COL5A2: variants seen among roughly 807,000 people sequenced by gnomAD.
COL5A2 encodes collagen type V alpha 2 chain, also known as collagen alpha-2(V) chain.
A neutral mutation model predicts 208.2 loss-of-function variants in COL5A2; 23 were observed. The observed-to-expected ratio is 0.11, with a 90% CI of 0.08 to 0.16. The LOEUF (loss-of-function observed/expected upper bound fraction) is 0.16. COL5A2 is among the 10% of genes least tolerant of loss of function. The pLI is 1.00. For synonymous variants in COL5A2, 625 were observed against 628.5 expected (o/e 0.99, Z 0.08); for missense variants, 1,590 against 1,956.4 (o/e 0.81, Z 3.53).
intron 33 of COL5A2, 38 bp downstream of exon 33, chr2:189,058,391 A>G (rs764692835): frequency 1.3e-6 from 2 of 1,498,872 alleles, no homozygotes; most frequent in Non-Finnish European, 1.9e-6. Context: ...CAGTAATTTT[A>G]AAGCATTTTA....
the COL5A2 span, among the ~76,000 whole-genome samples, chr2:189,298,993 C>T: frequency 6.6e-6 from 1 of 152,152 alleles, no homozygotes; most frequent in Non-Finnish European, 1.5e-5. Context: ...CATTGAGTCC[C>T]ACTGAATATC....
chr2:189,092,550 A>G, intron 6 of COL5A2, 130 bp from the exon 7 acceptor site: 1 of 709,784 alleles, frequency 1.4e-6, no homozygotes, highest in South Asian at 1.5e-5. Context: ...CTAGCCACTT[A>G]GAGTAATTTC....
At chr2:189,352,463 G>A in the COL5A2 span, among the ~76,000 whole-genome samples, 4 of 151,652 alleles carry the variant, frequency 2.6e-5, no homozygotes, top group Non-Finnish European at 5.9e-5. Flanking sequence ...TCCAGCATCT[G>A]TTGTTTCCTT....
the COL5A2 span, among the ~76,000 whole-genome samples, chr2:189,361,942 G>A: frequency 1.2e-4 from 19 of 152,062 alleles, no homozygotes; most frequent in South Asian, 2.1e-4. Context: ...TGATGTTTCC[G>A]TTTATATCAT....
At chr2:189,272,607 G>A in the COL5A2 span, among the ~76,000 whole-genome samples, 699 of 152,098 alleles carry the variant, frequency 4.6e-3, 14 homozygotes, top group African/African-American at 2.1e-3. Flanking sequence ...ACATGTATAC[G>A]TATGTAACAA....
In COL5A2 at chr2:189,179,633, T is replaced by G; in HGVS notation, c.-29A>C. The G allele has an allele frequency of 6.3e-7, 1 of 1,581,774 alleles. No individual in the cohort carries two copies. Among genetic ancestry groups the G allele is most frequent in the Non-Finnish European group, 8.6e-7 (1 of 1,160,772 alleles). On this transcript the variant is annotated 5_prime_UTR_variant, in exon 1 of 54. Transcript: ENST00000374866. The stretch of plus-strand genomic sequence containing the variant: ...TAAATATTAGACATGTGGGTTCTCC[T>G]GAGAGTGAAAAGTAGATTCTGAGGT...
the COL5A2 span, among the ~76,000 whole-genome samples, chr2:189,387,867 C>A: frequency 6.6e-6 from 1 of 152,334 alleles, no homozygotes; most frequent in East Asian, 1.9e-4. Context: ...CCACTGCAAT[C>A]TCTGCCTCCC....
At chr2:189,270,939 C>A in the COL5A2 span, among the ~76,000 whole-genome samples, 4 of 151,984 alleles carry the variant, frequency 2.6e-5, no homozygotes, top group African/African-American at 9.7e-5. Flanking sequence ...CCTAGGAATA[C>A]AACTTATGAG....
the COL5A2 span, among the ~76,000 whole-genome samples, chr2:189,432,761 A>G: frequency 6.6e-6 from 1 of 152,234 alleles, no homozygotes; most frequent in Admixed American, 6.5e-5. Flanking sequence ...TCTCAATATT[A>G]GACAGATCAA....
At chr2:189,155,699 A>G (rs1484597229) in intron 1 of COL5A2, among the ~76,000 whole-genome samples, 6 of 152,018 alleles carry the variant, frequency 3.9e-5, no homozygotes. Context: ...TTTATTTATT[A>G]TCTTTTATTT....
the COL5A2 span, among the ~76,000 whole-genome samples, chr2:189,329,645 G>A: frequency 2.6e-5 from 4 of 151,802 alleles, no homozygotes; most frequent in South Asian, 4.2e-4. Flanking sequence ...AAAATAAAGC[G>A]AATCTCAAAC....
At chr2:189,072,189 A>G (rs1053665291) in intron 17 of COL5A2, 96 bp from the exon 18 acceptor site, 23 of 797,912 alleles carry the variant, frequency 2.9e-5, no homozygotes, top group Non-Finnish European at 4.9e-5. Context: ...TATTAGACAC[A>G]TAAGAATAAC....
intron 1 of COL5A2, among the ~76,000 whole-genome samples, chr2:189,112,232 A>T (rs1269955052): frequency 1.3e-5 from 2 of 152,206 alleles, no homozygotes; most frequent in African/African-American, 4.8e-5. Context: ...GGATGGATAT[A>T]ATGAATGAAT....
At chr2:189,145,391 A>G (rs1390064520) in intron 1 of COL5A2, among the ~76,000 whole-genome samples, 1 of 152,208 alleles carries the variant, frequency 6.6e-6, no homozygotes, top group Non-Finnish European at 1.5e-5. Context: ...AGTAAAATAC[A>G]GTAATGCAAA....
the COL5A2 span, among the ~76,000 whole-genome samples, chr2:189,389,547 T>C: frequency 6.6e-6 from 1 of 152,222 alleles, no homozygotes; most frequent in Non-Finnish European, 1.5e-5. Flanking sequence ...GAATCCATGC[T>C]GTCAGTGCAA....
chr2:189,103,306 A>G (rs1011841936), intron 3 of COL5A2, among the ~76,000 whole-genome samples: 12 of 152,122 alleles, frequency 7.9e-5, no homozygotes, highest in African/African-American at 2.7e-4. Flanking sequence ...AGACAAATTT[A>G]TGATATTGCC....
At chr2:189,422,967 G>A in the COL5A2 span, among the ~76,000 whole-genome samples, 1 of 150,114 alleles carries the variant, frequency 6.7e-6, no homozygotes, top group African/African-American at 2.5e-5. Flanking sequence ...AGGTTGTGGT[G>A]AGCCGAGATT....
At chr2:189,305,814 TAAAA>T in the COL5A2 span, among the ~76,000 whole-genome samples, 1 of 139,582 alleles carries the variant, frequency 7.2e-6, no homozygotes. Context: ...ATATTCAATC[TAAAA>T]AAAAAAAAAA....
upstream of COL5A2, among the ~76,000 whole-genome samples, chr2:189,180,591 C>A (rs943331030): frequency 6.6e-6 from 1 of 152,152 alleles, no homozygotes; most frequent in African/African-American, 2.4e-5. Flanking sequence ...AGTCCTTTAT[C>A]TCTGTGCACT....
Sources: gnomAD v4.1 joint callset for allele counts (sites outside exome capture counted in the v4.1 genomes callset) on GRCh38, gnomAD v4.1.1 for gene constraint, MANE v1.5 for transcripts, NCBI Gene and HGNC (gene_info 2026-07-23, HGNC 2026-07-21) for gene names.